PIGB: variants seen among roughly 807,000 people sequenced by gnomAD.
The protein encoded by PIGB is GPI alpha-1,2-mannosyltransferase 3.
A neutral mutation model predicts 68.4 loss-of-function variants in PIGB; 58 were observed. The ratio of observed to expected loss-of-function variants is 0.85; its 90% confidence interval spans 0.69 to 1.06. The LOEUF is 1.06. PIGB is among the 50% of genes least tolerant of loss of function. The probability of loss-of-function intolerance (pLI) is 0.00; values close to 1 mark genes in which losing one functional copy is unlikely to be tolerated. For missense variants in PIGB, 634 were observed against 655.8 expected, an observed-to-expected ratio of 0.97 and a Z score of 0.36; for synonymous variants, 219 against 220.5, an observed-to-expected ratio of 0.99 and a Z score of 0.06.
rs763576478 is a variant in PIGB, at chr15:55,329,768, C to G, written c.567C>G (p.Thr189=). 10 of 1,610,560 alleles carry G rather than the reference C, an allele frequency of 6.2e-6. No homozygotes were observed. The Admixed American group carries it at 1.7e-4, about 27-fold the overall frequency. ...CCTGGTTCACATGGTATTGCTGTAC[C>G]AGAACCCTTACAAACACCATGGAAA... ...LCSWFTWYCC[T]RTLTNTMETV... Residue 189 remains threonine, a synonymous_variant, in exon 5 of 12, where the codon ACC becomes ACG. Coordinates refer to ENST00000164305, the MANE Select transcript of PIGB (RefSeq NM_004855.5).
Position 55,327,555 on chromosome 15 carries a change from G to C in PIGB, c.442G>C (p.Ala148Pro). 6.2e-7 allele frequency: 1 copy of C among 1,610,460 alleles called. No homozygotes were observed. Among genetic ancestry groups the C allele is most frequent in the Non-Finnish European group, 8.5e-7 (1 of 1,178,352 alleles). The change falls in exon 4 of 12, where the codon GCA becomes CCA. Residue 148 changes from alanine (A) to proline (P), a missense_variant. Ala to Pro is a conservative substitution (Grantham distance 27, BLOSUM62 -1). Transcript: ENST00000164305. ...GATTTGGATTCCTAGACTTGCCCAA[G>C]CACTTCTGTCTGCTGTAGCAGATGT... ...LLIWIPRLAQ[A>P]LLSAVADVRL...
At chr15:55,328,258 G>A (rs1043826289) in intron 4 of PIGB, among the ~76,000 whole-genome samples, 4 of 152,174 alleles carry the variant, frequency 2.6e-5, no homozygotes, top group Non-Finnish European at 5.9e-5. Flanking sequence ...CTCCAATCTT[G>A]AATGGATTTT....
chr15:55,345,667 G>A (rs927307307), intron 9 of PIGB, among the ~76,000 whole-genome samples: 3 of 152,174 alleles, frequency 2.0e-5, no homozygotes, highest in Admixed American at 6.5e-5. Context: ...GCTGAGACAG[G>A]AGAATCACTT....
At chr15:55,350,478 A>G (rs943656534) in intron 9 of PIGB, 1 of 544,710 alleles carries the variant, frequency 1.8e-6, no homozygotes, top group Non-Finnish European at 3.2e-6. Context: ...CATAACCATC[A>G]TCTTTCCACT....
chr15:55,354,996 A>G lies in PIGB; in HGVS notation c.1518+18A>G. 1.3e-6 allele frequency: 2 copies of G among 1,589,426 alleles called. No individual in the cohort carries two copies. The highest frequency in any genetic ancestry group is 8.6e-7 in the Non-Finnish European group (1 of 1,166,886). ...TGGAAGAGGTAAGTAAACATGAAAA[A>G]GAGGAAAACTCAGTATTTTAATTTT... On this transcript the variant is annotated intron_variant, in intron 11 of 11. Transcript: ENST00000164305.
At chr15:55,345,111 G>A (rs8032778) in intron 9 of PIGB, among the ~76,000 whole-genome samples, 9,566 of 151,804 alleles carry the variant, frequency 0.063, 977 homozygotes, top group African/African-American at 0.22. Context: ...GGCTGGTGTC[G>A]AACTCCTGAC....
chr15:55,329,434 A>G (rs1299362339), intron 4 of PIGB, among the ~76,000 whole-genome samples: 4 of 152,206 alleles, frequency 2.6e-5, no homozygotes, highest in Non-Finnish European at 5.9e-5. Flanking sequence ...TCTGTTTTTT[A>G]TGTGTTTCAT....
rs147534307 is a variant in PIGB at position 55,333,247 on chromosome 15, T to C, written c.654-620T>C. Among the ~76,000 whole-genome samples the C allele has an allele frequency of 5.9e-5, 9 of 152,274 alleles. No individual in the cohort carries two copies. The East Asian group carries it at 1.7e-3, about 29-fold the overall frequency. ...AAAACGGCTTTAGATATTACCTTTT[T>C]TAAAAGATAAGAAAAACTAAGACCC... On this transcript the variant is annotated intron_variant, in intron 5 of 11. Coordinates refer to ENST00000164305, the MANE Select transcript of PIGB (RefSeq NM_004855.5).
intron 2 of PIGB, 100 bp downstream of exon 2, chr15:55,320,510 AG>A: frequency 9.3e-7 from 1 of 1,075,818 alleles, no homozygotes; most frequent in Non-Finnish European, 1.3e-6. Flanking sequence ...CCTCGTCTTC[AG>A]TAGATAGTTT....
chr15:55,325,512 A>G (rs1405341343), intron 3 of PIGB, among the ~76,000 whole-genome samples: 1 of 152,172 alleles, frequency 6.6e-6, no homozygotes, highest in East Asian at 1.9e-4. Context: ...TCTAACTATA[A>G]TTTAGTTGTA....
chr15:55,327,668 A>T, intron 4 of PIGB, 33 bp downstream of exon 4: 2 of 1,274,466 alleles, frequency 1.6e-6, no homozygotes, highest in Middle Eastern at 3.7e-4. Context: ...GCTGTATGCC[A>T]GTTATTTCGT....
At position 55,319,404 on chromosome 15, in the gene PIGB, C is replaced by A. The variant is rs1162958180; in HGVS notation, c.154C>A (p.Arg52Ser). The A allele has an allele frequency of 6.4e-7, 1 of 1,551,828 alleles. No homozygotes were observed. Among genetic ancestry groups the A allele is most frequent in the Admixed American group, 2.0e-5 (1 of 51,000 alleles). Reference protein sequence around the residue: ...YFNTQEKSARRRGDLLGENIY... With the variant: ...YFNTQEKSARSRGDLLGENIY... ...CAACACCCAGGAGAAGAGCGCCAGG[C>A]GCCGCGGGGGTGAGTGAGGGGACAC... is the stretch of plus-strand genomic sequence containing the variant. Residue 52 changes from arginine to serine, a missense_variant, in exon 1 of 12, where the codon CGC (arginine) becomes AGC (serine). Transcript: ENST00000164305.
intron 6 of PIGB, 131 bp downstream of exon 6, chr15:55,334,138 GAAT>G (rs1459877558): frequency 3.8e-6 from 2 of 532,880 alleles, no homozygotes; most frequent in Non-Finnish European, 6.0e-6. Context: ...CAAGGAAATA[GAAT>G]AATGCAAAAC....
Position 55,340,810 on chromosome 15 carries a change from C to A in PIGB, c.1045C>A (p.Leu349Met). The change falls in exon 8 of 12, where the codon CTG becomes ATG. Residue 349 changes from leucine to methionine, a missense_variant. By Grantham distance (15) the Leu-to-Met change is conservative. Transcript: ENST00000164305. ...ACTTTTGGTGACTGTGCTGTGGACA[C>A]TGCTTGTTTATAGGTAAGATTTTAT... ...RILLVTVLWT[L>M]LVYSMLSHKE... 1 of 1,592,874 alleles carries A rather than the reference C, an allele frequency of 6.3e-7. No homozygotes were observed. The highest frequency in any genetic ancestry group is 1.1e-5 in the South Asian group (1 of 87,664).
intron 10 of PIGB, among the ~76,000 whole-genome samples, chr15:55,352,640 T>A (rs1050773606): frequency 3.3e-5 from 5 of 152,034 alleles, no homozygotes; most frequent in Admixed American, 1.3e-4. Flanking sequence ...ACAAAAAAAA[T>A]TGGCCAGGTG....
intron 10 of PIGB, 152 bp from the exon 11 acceptor site, chr15:55,354,645 GA>G: frequency 1.6e-6 from 1 of 611,990 alleles, no homozygotes; most frequent in Non-Finnish European, 2.7e-6. Context: ...TTATCTTTGA[GA>G]AAATGAGTTA....
At chr15:55,336,883 G>C (rs2141191649) in intron 6 of PIGB, among the ~76,000 whole-genome samples, 1 of 152,326 alleles carries the variant, frequency 6.6e-6, no homozygotes, top group Middle Eastern at 3.4e-3. Flanking sequence ...CCAGCTACTT[G>C]GGAGGCTGAG....
chr15:55,353,549 C>A (rs1271693133), intron 10 of PIGB, among the ~76,000 whole-genome samples: 1 of 152,146 alleles, frequency 6.6e-6, no homozygotes, highest in Non-Finnish European at 1.5e-5. Flanking sequence ...ACCTAAGTAA[C>A]TGGCTTAAAT....
intron 3 of PIGB, 104 bp downstream of exon 3, chr15:55,321,494 T>G (rs2055162129): frequency 2.4e-6 from 2 of 818,570 alleles, no homozygotes; most frequent in Non-Finnish European, 3.8e-6. Context: ...CCCATGATAC[T>G]ACAGACATAC....
Sources: gnomAD v4.1 joint callset for allele counts (sites outside exome capture counted in the v4.1 genomes callset) on GRCh38, gnomAD v4.1.1 for gene constraint, MANE v1.5 for transcripts, NCBI Gene and HGNC (gene_info 2026-07-23, HGNC 2026-07-21) for gene names.